Variants in ADGRL1 observed in about 807,000 individuals in gnomAD.
The protein encoded by ADGRL1 is CIRL-1.
A neutral mutation model predicts 148.9 loss-of-function variants in ADGRL1; 31 were observed. The ratio of observed to expected loss-of-function variants is 0.21; its 90% CI spans 0.16 to 0.28. The LOEUF (loss-of-function observed/expected upper bound fraction) is 0.28. Ranked by LOEUF, ADGRL1 falls within the 10% of genes least tolerant of loss-of-function variation. The pLI, the probability that ADGRL1 is intolerant of heterozygous loss-of-function variation, is 1.00. For synonymous variants in ADGRL1, 937 were observed against 900.3 expected (o/e 1.04, Z -0.73); for missense variants, 1,521 against 2,058.8 (o/e 0.74, Z 5.05).
intron 1 of ADGRL1, chr19:14,191,343 G>A (rs1256374319): frequency 2.2e-6 from 1 of 456,538 alleles, no homozygotes; most frequent in African/African-American, 2.0e-5. Flanking sequence ...GTGACCTCTT[G>A]TGTCTCTGTT....
rs1274712782 is a variant in ADGRL1 at position 14,155,222 on chromosome 19, T to C, written c.3294+137A>G. 1 of 1,018,802 alleles carries C rather than the reference T, an allele frequency of 9.8e-7. No homozygotes were observed. Among genetic ancestry groups the C allele is most frequent in the Non-Finnish European group, 1.4e-6 (1 of 692,136 alleles). The allele number at this position is 1,018,802 out of a possible 1,614,324, so 63.1% of individuals were successfully genotyped here. A position where few individuals can be genotyped will look rare whatever the true frequency, so the allele number is the denominator to read the frequency against. ...GCTCCCCTCCCGGTGGACGCAGACC[T>C]GACCACAGAAGCCCTGCAGCACTCA... On this transcript the variant is annotated intron_variant, in intron 18 of 22. Transcript: ENST00000361434. This position sits in a 1 kb window ranked among gnomAD's most constrained non-coding sequence, Gnocchi z 5.0.
rs771304766 is a variant in ADGRL1 at position 14,163,092 on chromosome 19, T to C, written c.709A>G (p.Ile237Val). 1.2e-6 allele frequency: 2 copies of C among 1,614,174 alleles called. No homozygotes were observed. Among genetic ancestry groups the C allele is most frequent in the Non-Finnish European group, 1.7e-6 (2 of 1,180,030 alleles). ...NIVKYDLRTRIKSGETVINTA... is the reference protein window; with the variant it reads ...NIVKYDLRTRVKSGETVINTA... ...TTGATGACCGTCTCCCCGCTCTTGA[T>C]GCGCGTCCGTAGGTCATACTTGACG... Residue 237 changes from isoleucine (I) to valine (V), a missense_variant, in exon 5 of 23, where the codon ATC becomes GTC. Coordinates refer to ENST00000361434, the MANE Select transcript of ADGRL1 (RefSeq NM_014921.5).
Position 14,157,479 on chromosome 19 carries a change from G to A in ADGRL1, c.2536-19C>T. ...CCTGGTACTGGGGACAGGAACAGGG[G>A]GCACGCTCAGGGCCTTTGGTTTTGC... On this transcript the variant is annotated intron_variant, in intron 13 of 22. Coordinates refer to ENST00000361434, the MANE Select transcript of ADGRL1 (RefSeq NM_014921.5). This position sits in a 1 kb window ranked among gnomAD's most constrained non-coding sequence, Gnocchi z 7.5. 1.2e-6 allele frequency: 2 copies of A among 1,611,610 alleles called. No homozygotes were observed. Among genetic ancestry groups the A allele is most frequent in the Non-Finnish European group, 1.7e-6 (2 of 1,178,252 alleles).
intron 1 of ADGRL1, among the ~76,000 whole-genome samples, chr19:14,189,802 T>C (rs1303555706): frequency 6.6e-6 from 1 of 152,234 alleles, no homozygotes; most frequent in African/African-American, 2.4e-5. Context: ...CCATTATGTG[T>C]TGTGAAGTGA....
At chr19:14,163,465 GGAGAGAGAGAGAGAGA>G in intron 4 of ADGRL1, 59 bp from the exon 5 acceptor site, 2 of 700,936 alleles carry the variant, frequency 2.9e-6, no homozygotes, top group South Asian at 2.2e-5. Flanking sequence ...GCGAGAGGGA[GGAGAGAGAGAGAGAGA>G]GAGAGAGAGA....
In ADGRL1 at chr19:14,151,055, CGGGAGGGGGTGGGGG is replaced by C; in HGVS notation, c.4213_4227del (p.Pro1405_Pro1409del). 8.1e-6 allele frequency: 2 copies of C among 246,094 alleles called. No individual in the cohort carries two copies. Among genetic ancestry groups the C allele is most frequent in the Non-Finnish European group, 1.0e-5 (2 of 197,628 alleles). 15.2% of individuals were successfully genotyped at this position (246,094 alleles called of 1,614,324 possible). On this transcript the variant is annotated inframe_deletion, in exon 23 of 23. Transcript: ENST00000361434. ...TAGATTTCGGGGGGGCCGGGGGGTG[CGGGAGGGGGTGGGGG>C]CAGGGCCTCACTGGGCCCCTCAGGG...
rs200151000 is a variant in ADGRL1, at chr19:14,183,543, C to T, written c.60G>A (p.Ser20=). 101 of 1,577,932 alleles carry T rather than the reference C, an allele frequency of 6.4e-5. No individual in the cohort carries two copies. In the African/African-American group the frequency reaches 8.6e-4, roughly 13 times the overall value. The change falls in exon 2 of 23, where the codon TCG becomes TCA. Residue 20 remains serine (S), a synonymous_variant. Transcript: ENST00000361434. Reference sequence around the variant, plus strand: ...CCCAGCAGCACCTACCTTGGGTGGCCGAGGTGACCAGGACGGCGGTGACAC... The same window carrying T: ...CCCAGCAGCACCTACCTTGGGTGGCTGAGGTGACCAGGACGGCGGTGACAC... ...NLCVTAVLVT[S]ATQGLSRAGL...
At chr19:14,204,654 C>G (rs1972840138) in intron 1 of ADGRL1, among the ~76,000 whole-genome samples, 1 of 150,458 alleles carries the variant, frequency 6.6e-6, no homozygotes, top group Non-Finnish European at 1.5e-5. Flanking sequence ...ATAAGGGAGC[C>G]GGGCAAGCAG....
intron 2 of ADGRL1, among the ~76,000 whole-genome samples, chr19:14,179,646 C>A (rs913024103): frequency 2.0e-5 from 3 of 152,098 alleles, no homozygotes; most frequent in Non-Finnish European, 2.9e-5. Flanking sequence ...GTGGCTCACA[C>A]CTGTAATCCC....
Position 14,162,007 on chromosome 19 carries a change from C to T in ADGRL1, c.1196-381G>A, listed in dbSNP as rs1422685837. On this transcript the variant is annotated intron_variant, in intron 5 of 22. Coordinates refer to ENST00000361434, the MANE Select transcript of ADGRL1 (RefSeq NM_014921.5). The surrounding 1 kb of genome is among the most constrained non-coding windows in gnomAD (Gnocchi z 5.4). ...CCAGGTGGGGGCTGAATACCACCGC[C>T]CCCCATCCTCGTTCTAGCTGACTTT... Among the ~76,000 whole-genome samples, 1 of 152,132 alleles carries T rather than the reference C, an allele frequency of 6.6e-6. No homozygotes were observed. Among genetic ancestry groups the T allele is most frequent in the Non-Finnish European group, 1.5e-5 (1 of 68,002 alleles).
At chr19:14,166,175 T>C (rs2144803570) in intron 4 of ADGRL1, among the ~76,000 whole-genome samples, 1 of 151,744 alleles carries the variant, frequency 6.6e-6, no homozygotes, top group East Asian at 1.9e-4. Context: ...TTTGCAAGTG[T>C]GAAAGAAACA....
At position 14,158,517 on chromosome 19, in the gene ADGRL1, G is replaced by A. The variant is rs533123664; in HGVS notation, c.2185C>T (p.Leu729=). ...VKVVFILYNN[L]GLFLSTENAT... is the part of the protein sequence containing the mutation. ...TTCTCCGTGGACAGGAAGAGGCCCA[G>A]GTTGTTGTAGAGGATGAAGACAACT... Residue 729 remains leucine, a synonymous_variant, in exon 12 of 23, where the codon CTG becomes TTG. Transcript: ENST00000361434. 6.2e-7 allele frequency: 1 copy of A among 1,614,082 alleles called. No individual in the cohort carries two copies. Among genetic ancestry groups the A allele is most frequent in the South Asian group, 1.1e-5 (1 of 91,090 alleles).
chr19:14,179,233 G>A (rs963642193), intron 2 of ADGRL1, among the ~76,000 whole-genome samples: 9 of 150,234 alleles, frequency 6.0e-5, no homozygotes, highest in Admixed American at 2.7e-4. Context: ...GGTGGCTCAC[G>A]CCTATAATCC....
chr19:14,201,668 G>A (rs887420684), intron 1 of ADGRL1, among the ~76,000 whole-genome samples: 3 of 152,060 alleles, frequency 2.0e-5, no homozygotes, highest in South Asian at 4.2e-4. Context: ...CTCCCACCTC[G>A]GCTTCCCAAC....
intron 2 of ADGRL1, among the ~76,000 whole-genome samples, chr19:14,182,645 C>T (rs997858579): frequency 1.3e-5 from 2 of 152,072 alleles, no homozygotes; most frequent in African/African-American, 4.8e-5. Context: ...CCTTCCCGGG[C>T]TTGGGAGGGA....
In ADGRL1 at chr19:14,152,031, G is replaced by A. The variant is rs1968254238; in HGVS notation, c.3667+102C>T. On this transcript the variant is annotated intron_variant, in intron 22 of 22. Coordinates refer to ENST00000361434, the MANE Select transcript of ADGRL1 (RefSeq NM_014921.5). The surrounding 1 kb of genome is among the most constrained non-coding windows in gnomAD (Gnocchi z 6.1). The stretch of plus-strand genomic sequence containing the variant: ...GGGGGTGGGGAAATGTGGGCATGGG[G>A]AGGCATCCCGAGTTCTCCTCCTTAA... The A allele has an allele frequency of 3.8e-6, 4 of 1,061,688 alleles. No individual in the cohort carries two copies. In the South Asian group the frequency reaches 5.1e-5, roughly 13 times the overall value. 65.8% of individuals were successfully genotyped at this position (1,061,688 alleles called of 1,614,324 possible).
At chr19:14,185,362 C>T (rs992134654) in intron 1 of ADGRL1, among the ~76,000 whole-genome samples, 2 of 152,048 alleles carry the variant, frequency 1.3e-5, no homozygotes, top group African/African-American at 4.8e-5. Context: ...GGCACAATGA[C>T]GGCTCACTGC....
chr19:14,192,408 T>G (rs764834659), intron 1 of ADGRL1, among the ~76,000 whole-genome samples: 3 of 151,448 alleles, frequency 2.0e-5, no homozygotes, highest in Non-Finnish European at 4.4e-5. Context: ...GCCTGCCTAA[T>G]TTTTGTATTT....
At chr19:14,186,181 C>T (rs1971562382) in intron 1 of ADGRL1, among the ~76,000 whole-genome samples, 1 of 152,148 alleles carries the variant, frequency 6.6e-6, no homozygotes, top group Admixed American at 6.6e-5. Flanking sequence ...GCCTCGGCCT[C>T]CCTAGTAGCT....
Sources: gnomAD v4.1 joint callset for allele counts (sites outside exome capture counted in the v4.1 genomes callset) on GRCh38, gnomAD v4.1.1 for gene constraint, Gnocchi (gnomAD v3.1) non-coding constraint, MANE v1.5 for transcripts, NCBI Gene and HGNC (gene_info 2026-07-23, HGNC 2026-07-21) for gene names.